The following PCDHA2 variants were observed in gnomAD, a reference collection of about 807,000 sequenced individuals.
PCDHA2 encodes protocadherin alpha 2.
In PCDHA2, 58 loss-of-function variants were observed where a neutral mutation model predicts 66.0. That is an observed-to-expected ratio of 0.88 (90% CI 0.71 to 1.09). The LOEUF is 1.09. PCDHA2 is among the 50% of genes least tolerant of loss of function. The pLI is 0.00. For synonymous variants in PCDHA2, 634 were observed against 554.0 expected, an observed-to-expected ratio of 1.14 and a Z score of -2.03; for missense variants, 1,267 against 1,242.3, an observed-to-expected ratio of 1.02 and a Z score of -0.30.
intron 1 of PCDHA2, among the ~76,000 whole-genome samples, chr5:140,932,809 CAT>C (rs782729907): frequency 3.3e-5 from 5 of 151,746 alleles, no homozygotes; most frequent in Admixed American, 6.6e-5. Flanking sequence ...ACCTTGGAAA[CAT>C]ATAAGTGGGA....
rs1230659356 is a variant in PCDHA2, at chr5:140,825,430, T to G, written c.2388+28078T>G. 4 of 147,522 alleles carry G rather than the reference T, an allele frequency of 2.7e-5. No homozygotes were observed. In the East Asian group the frequency reaches 7.8e-4, roughly 29 times the overall value. The allele number at this position is 147,522 out of a possible 1,614,324, so 9.1% of individuals were successfully genotyped here. ...TATTTTATATAATATATATAATAAA[T>G]ATATAATAATAATATATATCAGATA... On this transcript the variant is annotated intron_variant, in intron 1 of 3. Transcript: ENST00000526136.
In PCDHA2 at chr5:140,795,176, A is replaced by G. The variant is rs1554119289; in HGVS notation, c.212A>G (p.His71Arg). 2 of 1,613,910 alleles carry G rather than the reference A, an allele frequency of 1.2e-6. No individual in the cohort carries two copies. The highest frequency in any genetic ancestry group is 2.7e-5 in the African/African-American group (2 of 74,922). ...PRLFRVASKRHGDLLEVNLQN... is the reference protein window; with the variant it reads ...PRLFRVASKRRGDLLEVNLQN... ...CTGTTCCGGGTGGCGTCCAAAAGACACGGGGACCTTCTGGAGGTAAATCTG... is the reference window on the plus strand; with the variant it reads ...CTGTTCCGGGTGGCGTCCAAAAGACGCGGGGACCTTCTGGAGGTAAATCTG... The change falls in exon 1 of 4, where the codon CAC becomes CGC. Residue 71 changes from histidine to arginine, a missense_variant. Coordinates refer to ENST00000526136, the MANE Select transcript of PCDHA2 (RefSeq NM_018905.3).
chr5:140,796,430 T>C lies in PCDHA2; in HGVS notation c.1466T>C (p.Leu489Pro). 1 of 1,613,668 alleles carries C rather than the reference T, an allele frequency of 6.2e-7. No homozygotes were observed. Among genetic ancestry groups the C allele is most frequent in the South Asian group, 1.1e-5 (1 of 91,066 alleles). The change falls in exon 1 of 4, where the codon CTG (leucine) becomes CCG (proline). Residue 489 changes from leucine to proline, a missense_variant. By Grantham distance (98) the Leu-to-Pro change is moderately conservative. Coordinates refer to ENST00000526136, the MANE Select transcript of PCDHA2 (RefSeq NM_018905.3). ...GATGCGGACGCGCAGGAGAACGCGC[T>C]GGTGTCCTACTCGCTGGTGGAGCGG... The part of the protein sequence containing the change: ...AWDADAQENA[L>P]VSYSLVERRV...
chr5:140,859,712 A>G (rs1396254172), intron 1 of PCDHA2: 1 of 154,176 alleles, frequency 6.5e-6, no homozygotes, highest in African/African-American at 2.4e-5. Flanking sequence ...GGAACACCAA[A>G]AAAAAATTGT....
chr5:140,976,679 G>A (rs1314378983), intron 1 of PCDHA2, among the ~76,000 whole-genome samples: 2 of 152,086 alleles, frequency 1.3e-5, no homozygotes, highest in African/African-American at 4.8e-5. Flanking sequence ...TCTCATTTTT[G>A]CAATTTAAGT....
intron 3 of PCDHA2, among the ~76,000 whole-genome samples, chr5:141,007,447 A>T (rs2153992021): frequency 6.6e-6 from 1 of 151,258 alleles, no homozygotes; most frequent in South Asian, 2.1e-4. Flanking sequence ...ATGTGCCTGT[A>T]GTCCCAGCTA....
At chr5:140,883,760 C>A in intron 1 of PCDHA2, 1 of 1,612,790 alleles carries the variant, frequency 6.2e-7, no homozygotes, top group Non-Finnish European at 8.5e-7. Flanking sequence ...GGTGGAGCGG[C>A]GGGTGGGCGA....
At position 140,857,550 on chromosome 5, in the gene PCDHA2, G is replaced by A; in HGVS notation, c.2388+60198G>A. 4 of 1,596,852 alleles carry A rather than the reference G, an allele frequency of 2.5e-6. 1 individual carries two copies. The highest frequency in any genetic ancestry group is 3.4e-6 in the Non-Finnish European group (4 of 1,167,652). On this transcript the variant is annotated intron_variant, in intron 1 of 3. Coordinates refer to ENST00000526136, the MANE Select transcript of PCDHA2 (RefSeq NM_018905.3). ...CTGGTGGAGCGGCGGTTGGGCGAGC[G>A]CTCGCTGTCGAGCTACGTGTCGGTG...
chr5:140,850,291 C>G (rs2150477990), intron 1 of PCDHA2: 2 of 1,595,974 alleles, frequency 1.3e-6, no homozygotes, highest in South Asian at 2.2e-5. Flanking sequence ...GCAGTGGACG[C>G]CGACTCGGGC....
intron 1 of PCDHA2, chr5:140,836,884 T>A (rs1387111400): frequency 1.6e-6 from 1 of 642,656 alleles, no homozygotes; most frequent in Non-Finnish European, 2.5e-6. Flanking sequence ...TTGCACTAAT[T>A]ATTTGGAAGT....
At chr5:140,877,080 C>T in intron 1 of PCDHA2, 2 of 1,613,062 alleles carry the variant, frequency 1.2e-6, no homozygotes, top group East Asian at 2.2e-5. Context: ...TCCAGGTGAG[C>T]GCGCGCGACG....
At chr5:140,998,380 A>G (rs921989792) in intron 3 of PCDHA2, among the ~76,000 whole-genome samples, 2 of 152,188 alleles carry the variant, frequency 1.3e-5, no homozygotes, top group African/African-American at 4.8e-5. Context: ...GTCTCTAGAA[A>G]GTTTAATGCC....
intron 1 of PCDHA2, among the ~76,000 whole-genome samples, chr5:140,839,484 G>A (rs1263127603): frequency 1.3e-5 from 2 of 151,800 alleles, no homozygotes; most frequent in African/African-American, 4.8e-5. Context: ...CTGCCTCCTG[G>A]GCTCAAGTGA....
chr5:140,966,176 T>G (rs2095977016), intron 1 of PCDHA2: 1 of 188,102 alleles, frequency 5.3e-6, no homozygotes, highest in African/African-American at 2.3e-5. Context: ...CCTGGGGAGC[T>G]GATAGCCAGA....
At chr5:140,910,837 A>G (rs1217601068) in intron 1 of PCDHA2, among the ~76,000 whole-genome samples, 1 of 152,188 alleles carries the variant, frequency 6.6e-6, no homozygotes, top group Non-Finnish European at 1.5e-5. Context: ...GCCTGATCCA[A>G]TGCCTTGGAT....
intron 1 of PCDHA2, chr5:140,928,931 A>G: frequency 1.9e-6 from 3 of 1,614,150 alleles, no homozygotes; most frequent in Non-Finnish European, 2.5e-6. Flanking sequence ...CTTTCTGCCC[A>G]GAACTTGTAT....
rs1446194845 is a variant in PCDHA2 at position 140,858,041 on chromosome 5, C to T, written c.2388+60689C>T. 8 of 1,596,732 alleles carry T rather than the reference C, an allele frequency of 5.0e-6. No homozygotes were observed. The African/African-American group carries it at 6.8e-5, about 14-fold the overall frequency. On this transcript the variant is annotated intron_variant, in intron 1 of 3. Transcript: ENST00000526136. ...GTCGCTGACGGCCACGGCCACTGTG[C>T]TTGTGTCGCTTGTGGAGGGCAGCCA...
rs17844246 is a variant in PCDHA2, at chr5:140,795,913, G to T, written c.949G>T (p.Glu317Ter). 6.2e-7 allele frequency: 1 copy of T among 1,613,864 alleles called. No individual in the cohort carries two copies. Among genetic ancestry groups the T allele is most frequent in the East Asian group, 2.2e-5 (1 of 44,882 alleles). Residue 317 changes from glutamate to a stop codon, truncating the protein, a stop_gained, in exon 1 of 4, where the codon GAG becomes TAG. Coordinates refer to ENST00000526136, the MANE Select transcript of PCDHA2 (RefSeq NM_018905.3). LOFTEE classifies it high-confidence loss of function. ...AGATTATGAAGAAGCAAAGTCCTACGAGATTCAGGTCACTGCAACTGACAA... is the reference window on the plus strand; with the variant it reads ...AGATTATGAAGAAGCAAAGTCCTACTAGATTCAGGTCACTGCAACTGACAA... Reference protein sequence around the residue: ...KLDYEEAKSYEIQVTATDKGT... With the variant: ...KLDYEEAKSY
intron 1 of PCDHA2, chr5:140,851,191 T>C: frequency 8.2e-7 from 1 of 1,215,936 alleles, no homozygotes; most frequent in South Asian, 3.0e-5. Context: ...ACCAATTTAG[T>C]TGTTAGTCAT....
Sources: gnomAD v4.1 joint callset for allele counts (sites outside exome capture counted in the v4.1 genomes callset) on GRCh38, gnomAD v4.1.1 for gene constraint, MANE v1.5 for transcripts, NCBI Gene and HGNC (gene_info 2026-07-23, HGNC 2026-07-21) for gene names.